The following FBXL7 variants were observed in gnomAD, a reference collection of about 807,000 sequenced individuals.
FBXL7 encodes the protein F-box and leucine rich repeat protein 7.
In FBXL7, 12 loss-of-function variants were observed where a neutral mutation model predicts 38.3. That is an observed-to-expected ratio of 0.31 (90% CI 0.20 to 0.51). FBXL7 has a LOEUF of 0.51. FBXL7 is among the 20% of genes least tolerant of loss of function. The pLI is 0.98. For synonymous variants in FBXL7, 297 were observed against 300.9 expected (o/e 0.99, Z 0.13); for missense variants, 567 against 676.4 (o/e 0.84, Z 1.79).
intron 2 of FBXL7, among the ~76,000 whole-genome samples, chr5:15,819,305 C>T (rs1348759493): frequency 6.6e-6 from 1 of 151,820 alleles, no homozygotes; most frequent in Non-Finnish European, 1.5e-5. Flanking sequence ...TATACTGTTG[C>T]ACCTGAAAGA....
intron 2 of FBXL7, among the ~76,000 whole-genome samples, chr5:15,749,244 CAAAAAAAA>C (rs70938027): frequency 2.9e-5 from 2 of 70,090 alleles, no homozygotes; most frequent in African/African-American, 6.2e-5. Flanking sequence ...GACTCTGTCT[CAAAAAAAA>C]AAAAAAAAAA....
At chr5:15,644,309 A>G (rs80352083) in intron 2 of FBXL7, among the ~76,000 whole-genome samples, 1 of 103,608 alleles carries the variant, frequency 9.7e-6, no homozygotes, top group South Asian at 2.5e-4. Flanking sequence ...AAATCCAAAA[A>G]AAAAAAAAAA....
At chr5:15,502,359 T>C (rs1736519290) in intron 1 of FBXL7, among the ~76,000 whole-genome samples, 1 of 151,736 alleles carries the variant, frequency 6.6e-6, no homozygotes, top group South Asian at 2.1e-4. Context: ...ACTTCCTGTC[T>C]GAACAGCAGA....
chr5:15,820,535 C>T (rs1738142148), intron 2 of FBXL7, among the ~76,000 whole-genome samples: 1 of 152,166 alleles, frequency 6.6e-6, no homozygotes, highest in Non-Finnish European at 1.5e-5. Context: ...CTCCCTGGTT[C>T]CTCCTTGTCT....
intron 1 of FBXL7, among the ~76,000 whole-genome samples, chr5:15,503,378 G>A (rs1044206542): frequency 3.9e-5 from 6 of 152,124 alleles, no homozygotes; most frequent in South Asian, 2.1e-4. Flanking sequence ...CTGAGATCAC[G>A]CAACTGCACT....
intron 2 of FBXL7, among the ~76,000 whole-genome samples, chr5:15,662,602 A>C (rs1742123756): frequency 6.6e-6 from 1 of 152,154 alleles, no homozygotes; most frequent in South Asian, 2.1e-4. Context: ...AGTATTGCCT[A>C]GATTGTCTTC....
In FBXL7 at chr5:15,938,016, T is replaced by C. The variant is rs1742248753; in HGVS notation, c.*830T>C. The stretch of plus-strand genomic sequence containing the variant: ...TGTGGATGGATGTGATTTCAGGAGA[T>C]TGTGCAGTGCCAGCATCAGTGCATA... On this transcript the variant is annotated 3_prime_UTR_variant, in exon 4 of 4. Coordinates refer to ENST00000504595, the MANE Select transcript of FBXL7 (RefSeq NM_012304.5). 1 of 152,250 alleles carries C rather than the reference T, an allele frequency of 6.6e-6. No individual in the cohort carries two copies. Among genetic ancestry groups the C allele is most frequent in the South Asian group, 2.1e-4 (1 of 4,824 alleles). 9.4% of individuals were successfully genotyped at this position (152,250 alleles called of 1,614,324 possible). A position where few individuals can be genotyped will look rare whatever the true frequency, so the allele number is the denominator to read the frequency against.
At chr5:15,591,406 G>A (rs1177267616) in intron 1 of FBXL7, among the ~76,000 whole-genome samples, 1 of 149,916 alleles carries the variant, frequency 6.7e-6, no homozygotes, top group African/African-American at 2.5e-5. Context: ...TCCAGCCTGG[G>A]CAACAGAGTG....
At chr5:15,874,923 C>T (rs1354302917) in intron 2 of FBXL7, among the ~76,000 whole-genome samples, 1 of 152,092 alleles carries the variant, frequency 6.6e-6, no homozygotes, top group Non-Finnish European at 1.5e-5. Context: ...CTTTAAATTT[C>T]ATATGGAATG....
rs1736070757 is a variant in FBXL7, at chr5:15,748,490, CTGA to C, written c.127+132421_127+132423del. On this transcript the variant is annotated intron_variant, in intron 2 of 3. Coordinates refer to ENST00000504595, the MANE Select transcript of FBXL7 (RefSeq NM_012304.5). ...TGGTAGTGAATAAGTCTTACAAGAT[CTGA>C]TGGTTTTGTAAATGGGAGTTCCCCT... Among the ~76,000 whole-genome samples, 3 of 152,302 alleles carry C rather than the reference CTGA, an allele frequency of 2.0e-5. No homozygotes were observed. The South Asian group carries it at 6.2e-4, about 32-fold the overall frequency.
At chr5:15,626,570 G>A (rs1295181453) in intron 2 of FBXL7, among the ~76,000 whole-genome samples, 1 of 152,004 alleles carries the variant, frequency 6.6e-6, no homozygotes, top group African/African-American at 2.4e-5. Context: ...GTGTGTGTGT[G>A]TGTATGTGTA....
At chr5:15,634,427 T>G (rs891799503) in intron 2 of FBXL7, among the ~76,000 whole-genome samples, 1 of 148,608 alleles carries the variant, frequency 6.7e-6, no homozygotes, top group Non-Finnish European at 1.5e-5. Flanking sequence ...GTTCAAGCAA[T>G]TCTCCTGCCT....
At chr5:15,634,313 C>CTTTTTTT (rs57823645) in intron 2 of FBXL7, among the ~76,000 whole-genome samples, 126 of 112,254 alleles carry the variant, frequency 1.1e-3, no homozygotes, top group Non-Finnish European at 9.1e-4. Flanking sequence ...ATGTTCGTTT[C>CTTTTTTT]TTTTTTTTTT....
intron 2 of FBXL7, among the ~76,000 whole-genome samples, chr5:15,855,327 T>C (rs1739224000): frequency 6.6e-6 from 1 of 152,158 alleles, no homozygotes; most frequent in South Asian, 2.1e-4. Flanking sequence ...TGAGGTGCTT[T>C]TACCCTTTCA....
chr5:15,892,993 G>C (rs949459882), intron 2 of FBXL7, among the ~76,000 whole-genome samples: 4 of 151,956 alleles, frequency 2.6e-5, no homozygotes, highest in African/African-American at 7.3e-5. Flanking sequence ...GTGGGCACCT[G>C]TAGTCCCAGC....
At chr5:15,929,719 G>C (rs1285016510) in intron 3 of FBXL7, among the ~76,000 whole-genome samples, 6 of 151,904 alleles carry the variant, frequency 3.9e-5, no homozygotes, top group Admixed American at 3.9e-4. Context: ...TTAAAGCCCA[G>C]ACTCACACTT....
chr5:15,612,452 G>T (rs1740277491), intron 1 of FBXL7, among the ~76,000 whole-genome samples: 1 of 151,988 alleles, frequency 6.6e-6, no homozygotes. Context: ...TTTTAAATTG[G>T]AGTTTGCAGC....
At chr5:15,808,038 C>T (rs1356927289) in intron 2 of FBXL7, among the ~76,000 whole-genome samples, 1 of 152,124 alleles carries the variant, frequency 6.6e-6, no homozygotes, top group Non-Finnish European at 1.5e-5. Flanking sequence ...CAGGATTTGG[C>T]AGTTGAGACA....
chr5:15,628,109 A>G (rs1345465373), intron 2 of FBXL7, among the ~76,000 whole-genome samples: 3 of 152,242 alleles, frequency 2.0e-5, no homozygotes, highest in Non-Finnish European at 4.4e-5. Context: ...TTAGGTGGCA[A>G]CAGAGTTAAT....
Sources: allele counts gnomAD v4.1 joint callset (sites outside exome capture counted in the v4.1 genomes callset), GRCh38; gene constraint gnomAD v4.1.1; transcripts MANE v1.5; gene names NCBI Gene and HGNC (gene_info 2026-07-23, HGNC 2026-07-21).